Variants in UBR3 observed in about 807,000 individuals in gnomAD.
UBR3 encodes E3 ubiquitin-protein ligase UBR3.
Under a neutral mutation model 243.2 loss-of-function variants are expected in UBR3, and 85 were observed. The ratio of observed to expected loss-of-function variants is 0.35; its 90% confidence interval spans 0.29 to 0.42. The LOEUF is 0.42. UBR3 is among the 10% of genes least tolerant of loss of function. UBR3 has a pLI of 1.00. For missense variants in UBR3, 1,686 were observed against 2,300.8 expected (o/e 0.73, Z 5.47); for synonymous variants, 748 against 799.8 (o/e 0.94, Z 1.09).
rs1459272729 is a variant in UBR3, at chr2:170,083,542, G to A, written c.*1699G>A. The stretch of plus-strand genomic sequence containing the variant: ...GAATACCAGACCATTTGTAAGTGTG[G>A]TTGAAGAGCAAAATGCTAATTGACA... On this transcript the variant is annotated 3_prime_UTR_variant, in exon 39 of 39. Transcript: ENST00000272793. The A allele has an allele frequency of 6.6e-6, 1 of 152,560 alleles. No homozygotes were observed. Among genetic ancestry groups the A allele is most frequent in the Admixed American group, 6.5e-5 (1 of 15,278 alleles). 9.5% of individuals were successfully genotyped at this position (152,560 alleles called of 1,614,324 possible).
intron 18 of UBR3, among the ~76,000 whole-genome samples, chr2:169,932,458 C>G (rs1276642446): frequency 6.6e-6 from 1 of 152,062 alleles, no homozygotes; most frequent in Non-Finnish European, 1.5e-5. Context: ...GAAATGAGGT[C>G]TGTCTTTGTT....
At chr2:169,844,340 A>G (rs954044849) in intron 1 of UBR3, among the ~76,000 whole-genome samples, 54 of 151,704 alleles carry the variant, frequency 3.6e-4, no homozygotes, top group African/African-American at 1.3e-3. Context: ...TTTATTCAGT[A>G]CTTTTTTTTC....
chr2:169,922,219 G>A (rs759815872), intron 11 of UBR3, among the ~76,000 whole-genome samples: 1 of 151,548 alleles, frequency 6.6e-6, no homozygotes, highest in Non-Finnish European at 1.5e-5. Flanking sequence ...CCGGGAGGTG[G>A]AGGTTGCAGC....
intron 24 of UBR3, among the ~76,000 whole-genome samples, chr2:169,963,918 C>T (rs1225939785): frequency 2.0e-5 from 3 of 152,122 alleles, no homozygotes; most frequent in Non-Finnish European, 2.9e-5. Context: ...CTTGCTTTCT[C>T]TCTACTAAAT....
At position 170,061,550 on chromosome 2, in the gene UBR3, C is replaced by T. The variant is rs189040194; in HGVS notation, c.5019+107C>T. 585 of 1,370,238 alleles carry T rather than the reference C, an allele frequency of 4.3e-4. 3 individuals are homozygous for T. In the African/African-American group the frequency reaches 7.3e-3, roughly 17 times the overall value. 84.9% of individuals were successfully genotyped at this position (1,370,238 alleles called of 1,614,324 possible). A position where few individuals can be genotyped will look rare whatever the true frequency, so the allele number is the denominator to read the frequency against. On this transcript the variant is annotated intron_variant, in intron 35 of 38. Transcript: ENST00000272793. ...TGGCACAATCTCGGCTTACTGCAACCTCCGCCTGCCAGGTTCAAGCAATCC... is the reference window on the plus strand; with the variant it reads ...TGGCACAATCTCGGCTTACTGCAACTTCCGCCTGCCAGGTTCAAGCAATCC...
chr2:169,890,576 T>TATGTATAG (rs2084325271), intron 5 of UBR3, among the ~76,000 whole-genome samples: 1 of 118,732 alleles, frequency 8.4e-6, no homozygotes. Flanking sequence ...TGTATATATA[T>TATGTATAG]ATATGTATAT....
intron 24 of UBR3, among the ~76,000 whole-genome samples, chr2:169,981,883 A>C (rs2088751755): frequency 6.6e-6 from 1 of 152,138 alleles, no homozygotes; most frequent in African/African-American, 2.4e-5. Flanking sequence ...AAGAATGATA[A>C]TAAAAATGAT....
Position 170,082,063 on chromosome 2 carries a change from C to G in UBR3, c.*220C>G. 1 of 353,954 alleles carries G rather than the reference C, an allele frequency of 2.8e-6. No individual in the cohort carries two copies. Among genetic ancestry groups the G allele is most frequent in the Non-Finnish European group, 5.0e-6 (1 of 198,356 alleles). 21.9% of individuals were successfully genotyped at this position (353,954 alleles called of 1,614,324 possible). ...AACATTAATAACAAGTTAAATTATT[C>G]TTTAGTGGTCATTTTTTAAGTGCAC... is the stretch of plus-strand genomic sequence containing the variant. On this transcript the variant is annotated 3_prime_UTR_variant, in exon 39 of 39. Transcript: ENST00000272793.
At position 169,898,589 on chromosome 2, in the gene UBR3, T is replaced by G. The variant is rs150929008; in HGVS notation, c.1465+1854T>G. Among the ~76,000 whole-genome samples the G allele has an allele frequency of 3.5e-3, 538 of 151,990 alleles. 2 individuals carry two copies. The highest frequency in any genetic ancestry group is 0.012 in the African/African-American group (503 of 41,494). ...TTCAAAGCCTGTACTCTTTCTTACC[T>G]ACTTTGTGAGTCTGCCTTCCCATTG... On this transcript the variant is annotated intron_variant, in intron 8 of 38. Transcript: ENST00000272793.
chr2:169,874,014 A>G (rs1244207961), intron 2 of UBR3, among the ~76,000 whole-genome samples: 1 of 152,218 alleles, frequency 6.6e-6, no homozygotes. Context: ...ACGTAAGTAC[A>G]TAGCTTTATA....
intron 1 of UBR3, among the ~76,000 whole-genome samples, chr2:169,843,201 TATAAC>T (rs1240628881): frequency 6.6e-6 from 1 of 152,226 alleles, no homozygotes; most frequent in Non-Finnish European, 1.5e-5. Flanking sequence ...TTTGTGCTGT[TATAAC>T]AAAATACCTG....
chr2:170,026,747 C>T (rs1371341349), intron 30 of UBR3, among the ~76,000 whole-genome samples: 5 of 152,020 alleles, frequency 3.3e-5, no homozygotes, highest in African/African-American at 1.2e-4. Context: ...TATTGTTACT[C>T]AAAATTTTAA....
chr2:169,991,392 A>G (rs912177805), intron 25 of UBR3, among the ~76,000 whole-genome samples: 10 of 152,142 alleles, frequency 6.6e-5, no homozygotes, highest in African/African-American at 2.4e-4. Flanking sequence ...ATTTTTCTCA[A>G]TGGTATATGG....
chr2:169,983,611 G>A (rs2088859482), intron 24 of UBR3, among the ~76,000 whole-genome samples: 1 of 152,106 alleles, frequency 6.6e-6, no homozygotes, highest in Non-Finnish European at 1.5e-5. Flanking sequence ...TATTCAAGGA[G>A]TGGGGAAATA....
At chr2:169,875,980 T>C in intron 3 of UBR3, 31 bp downstream of exon 3, 2 of 1,436,388 alleles carry the variant, frequency 1.4e-6, no homozygotes, top group Non-Finnish European at 1.8e-6. Context: ...AATTTATAGT[T>C]TTCATATCTT....
At chr2:169,942,373 T>C in intron 19 of UBR3, 120 bp from the exon 20 acceptor site, 1 of 990,786 alleles carries the variant, frequency 1.0e-6, no homozygotes, top group East Asian at 2.7e-5. Flanking sequence ...TTTAAGCAAT[T>C]TGATTAAAAA....
intron 10 of UBR3, among the ~76,000 whole-genome samples, chr2:169,909,741 G>GTATA (rs34263331): frequency 0.097 from 14,528 of 149,416 alleles, 873 homozygotes; most frequent in African/African-American, 0.18. Context: ...GTGTGTGTGT[G>GTATA]TATATATATA....
At chr2:169,930,431 G>T (rs1236164116) in intron 18 of UBR3, among the ~76,000 whole-genome samples, 3 of 151,762 alleles carry the variant, frequency 2.0e-5, no homozygotes, top group African/African-American at 7.3e-5. Context: ...TTGTCGCTCA[G>T]GCTGGAGTGC....
chr2:170,030,674 A>C (rs919616576), intron 31 of UBR3, among the ~76,000 whole-genome samples: 1 of 152,172 alleles, frequency 6.6e-6, no homozygotes, highest in Non-Finnish European at 1.5e-5. Context: ...ATGTATAGTC[A>C]AAAACTGTGT....
Sources: allele counts gnomAD v4.1 joint callset (sites outside exome capture counted in the v4.1 genomes callset), GRCh38; gene constraint gnomAD v4.1.1; transcripts MANE v1.5; gene names NCBI Gene and HGNC (gene_info 2026-07-23, HGNC 2026-07-21).